OOSP4B: variants seen among roughly 807,000 people sequenced by gnomAD.
OOSP4B encodes oocyte-secreted protein 4B.
At chr11:60,028,115 T>G (rs1854763505) in intron 3 of OOSP4B, among the ~76,000 whole-genome samples, 1 of 151,620 alleles carries the variant, frequency 6.6e-6, no homozygotes, top group African/African-American at 2.4e-5. Context: ...CATATTCACC[T>G]TTTAATTATC....
chr11:60,025,464 G>C (rs1854738825), intron 3 of OOSP4B, among the ~76,000 whole-genome samples: 1 of 152,200 alleles, frequency 6.6e-6, no homozygotes, highest in African/African-American at 2.4e-5. Flanking sequence ...GATCTTCCCA[G>C]TTGGTTCCTG....
chr11:60,029,118 A>T (rs1451809489), intron 3 of OOSP4B, among the ~76,000 whole-genome samples: 1 of 152,364 alleles, frequency 6.6e-6, no homozygotes, highest in South Asian at 2.1e-4. Context: ...AACAAGAGAT[A>T]TAGAAAATTT....
rs1854655044 is a variant in OOSP4B, at chr11:60,019,004, GTCAGGAGT to G, written c.22+1594_22+1601del. Among the ~76,000 whole-genome samples, 5 of 152,168 alleles carry G rather than the reference GTCAGGAGT, an allele frequency of 3.3e-5. No homozygotes were observed. The South Asian group carries it at 1.0e-3, about 32-fold the overall frequency. On this transcript the variant is annotated intron_variant, in intron 1 of 4. Coordinates refer to ENST00000642343, the Ensembl canonical transcript of OOSP4B. ...AGCCGAGGCAGGCAGATCACATGAGGTCAGGAGTTCGAGACCAGCCTGACCAATATGGC... is the reference window on the plus strand; with the variant it reads ...AGCCGAGGCAGGCAGATCACATGAGGTCGAGACCAGCCTGACCAATATGGC...
At chr11:60,025,980 C>A (rs1281369912) in intron 3 of OOSP4B, among the ~76,000 whole-genome samples, 1 of 152,036 alleles carries the variant, frequency 6.6e-6, no homozygotes, top group Non-Finnish European at 1.5e-5. Context: ...TGCTCATTGG[C>A]CATTTTTATG....
intron 3 of OOSP4B, among the ~76,000 whole-genome samples, chr11:60,025,331 T>C (rs1854737623): frequency 6.6e-6 from 1 of 152,196 alleles, no homozygotes; most frequent in African/African-American, 2.4e-5. Context: ...ATAATTTACT[T>C]GAAGAAGAAC....
chr11:60,027,706 A>G (rs1380894701), intron 3 of OOSP4B, among the ~76,000 whole-genome samples: 1 of 148,340 alleles, frequency 6.7e-6, no homozygotes, highest in Admixed American at 7.0e-5. Flanking sequence ...TTGGGAGGCC[A>G]AGGCAGGCAG....
At chr11:60,029,030 G>A (rs1343247041) in intron 3 of OOSP4B, among the ~76,000 whole-genome samples, 2 of 152,132 alleles carry the variant, frequency 1.3e-5, no homozygotes, top group Non-Finnish European at 2.9e-5. Flanking sequence ...AGAAGTAAAG[G>A]CTATTATGCC....
At chr11:60,030,079 T>G in intron 4 of OOSP4B, 150 bp downstream of exon 4, 1 of 391,818 alleles carries the variant, frequency 2.6e-6, no homozygotes. Context: ...GGTACCGTAG[T>G]CTGTACTTGG....
intron 3 of OOSP4B, among the ~76,000 whole-genome samples, chr11:60,026,752 T>G (rs149142249): frequency 1.3e-5 from 2 of 152,334 alleles, no homozygotes; most frequent in Non-Finnish European, 2.9e-5. Context: ...ACATGTAAAT[T>G]ACTAAAATTA....
chr11:60,020,624 G>A (rs1854681188), intron 1 of OOSP4B, among the ~76,000 whole-genome samples: 1 of 152,238 alleles, frequency 6.6e-6, no homozygotes, highest in Non-Finnish European at 1.5e-5. Flanking sequence ...GCAAGCTGAG[G>A]GAGCTGGCTC....
rs567073252 is a variant in OOSP4B at position 60,025,509 on chromosome 11, C to T, written c.302+504C>T. ...CTCACTGTTCTTGTCTCTTCTATAA[C>T]TTTGTAGAAATAGAATCGCAGCATG... is the stretch of plus-strand genomic sequence containing the variant. On this transcript the variant is annotated intron_variant, in intron 3 of 4. Coordinates refer to ENST00000642343, the Ensembl canonical transcript of OOSP4B. Among the ~76,000 whole-genome samples the T allele has an allele frequency of 4.7e-4, 72 of 152,260 alleles. 1 individual carries two copies. The highest frequency in any genetic ancestry group is 6.9e-4 in the Non-Finnish European group (47 of 68,008).
In OOSP4B at chr11:60,027,655, TAAA is replaced by T. The variant is rs61649958; in HGVS notation, c.303-2104_303-2102del. Among the ~76,000 whole-genome samples, 16 of 62,220 alleles carry T rather than the reference TAAA, an allele frequency of 2.6e-4. 1 individual carries two copies. The highest frequency in any genetic ancestry group is 1.6e-3 in the East Asian group (2 of 1,284). The allele number at this position is 62,220 out of a possible 152,430, so 40.8% of individuals were successfully genotyped here. ...TCTAAGCAGGTAAAGGCTATGATAT[TAAA>T]AAAAAAAAAAAAAAAAAAAAAAGAT... On this transcript the variant is annotated intron_variant, in intron 3 of 4. Coordinates refer to ENST00000642343, the Ensembl canonical transcript of OOSP4B.
intron 4 of OOSP4B, 144 bp from the exon 5 acceptor site, chr11:60,030,658 A>G (rs2134630693): frequency 2.5e-6 from 1 of 394,682 alleles, no homozygotes; most frequent in South Asian, 1.4e-4. Flanking sequence ...GGTTAGTTCC[A>G]TAGATTACAT....
chr11:60,030,720 C>A, intron 4 of OOSP4B, 82 bp from the exon 5 acceptor site: 1 of 397,616 alleles, frequency 2.5e-6, no homozygotes. Context: ...ATTGAGCACC[C>A]ATGAGTTCTC....
At chr11:60,030,615 G>A (rs1043197656) in intron 4 of OOSP4B, among the ~76,000 whole-genome samples, 187 bp from the exon 5 acceptor site, 2 of 152,146 alleles carry the variant, frequency 1.3e-5, no homozygotes, top group Admixed American at 6.5e-5. Context: ...ACTTCTAATA[G>A]CATAATATCT....
chr11:60,028,341 T>C (rs558508208), intron 3 of OOSP4B, among the ~76,000 whole-genome samples: 32 of 152,020 alleles, frequency 2.1e-4, no homozygotes, highest in Non-Finnish European at 4.6e-4. Context: ...AATTTTTATA[T>C]TTTTAGTAGA....
At chr11:60,024,171 T>G in intron 2 of OOSP4B, 110 bp downstream of exon 2, 21 of 394,064 alleles carry the variant, frequency 5.3e-5, no homozygotes, top group East Asian at 7.2e-5. Context: ...TTCCTATCTC[T>G]TGCAGTGATC....
intron 1 of OOSP4B, among the ~76,000 whole-genome samples, chr11:60,018,211 A>G (rs985223817): frequency 2.0e-5 from 3 of 152,216 alleles, no homozygotes; most frequent in African/African-American, 7.2e-5. Flanking sequence ...CAAATAAAGC[A>G]GCCTATGGAC....
chr11:60,025,331 TGAA>T (rs1039298918), intron 3 of OOSP4B, among the ~76,000 whole-genome samples: 12 of 152,314 alleles, frequency 7.9e-5, no homozygotes, highest in South Asian at 2.1e-4. Context: ...ATAATTTACT[TGAA>T]GAAGAACTCA....
Sources: allele counts gnomAD v4.1 joint callset (sites outside exome capture counted in the v4.1 genomes callset), GRCh38; gene constraint gnomAD v4.1.1; transcripts MANE v1.5; gene names NCBI Gene and HGNC (gene_info 2026-07-23, HGNC 2026-07-21).